Variants in LTF observed in about 807,000 individuals in gnomAD.
The protein encoded by LTF is lactotransferrin.
LTF carries 91 observed loss-of-function variants against 87.2 expected under a neutral mutation model. That is an observed-to-expected ratio of 1.04 (90% confidence interval 0.88 to 1.24). The LOEUF (loss-of-function observed/expected upper bound fraction) is 1.24, where lower values mean the gene tolerates loss of function less well. Ranked by LOEUF, LTF falls within the 50% of genes most tolerant of loss-of-function variation. The probability of loss-of-function intolerance (pLI) is 0.00; values close to 1 mark genes in which losing one functional copy is unlikely to be tolerated. For missense variants in LTF, 901 were observed against 904.3 expected (o/e 1.00, Z 0.05); for synonymous variants, 378 against 356.1 (o/e 1.06, Z -0.69).
Position 46,441,417 on chromosome 3 carries a change from A to G in LTF, c.1722T>C (p.Asp574=), listed in dbSNP as rs888303037. ...VKDVTVLQNT[D]GNNNEAWAKD... ...AGAAAAGGAAACACCTTCACCTACC[A>G]TCAGTGTTCTGCAAGACAGTGACAT... The change falls in exon 14 of 17, where the codon GAT becomes GAC. Residue 574 remains aspartate, a splice_region_variant and synonymous_variant. Coordinates refer to ENST00000231751, the MANE Select transcript of LTF (RefSeq NM_002343.6). The G allele has an allele frequency of 3.7e-6, 6 of 1,611,990 alleles. No individual in the cohort carries two copies. Among genetic ancestry groups the G allele is most frequent in the African/African-American group, 1.3e-5 (1 of 74,874 alleles).
chr3:46,468,719 C>T (rs1520483), upstream of LTF, among the ~76,000 whole-genome samples: 47,301 of 152,166 alleles, frequency 0.31, 8,971 homozygotes, highest in East Asian at 0.51. Context: ...GAGACATCAA[C>T]TCACGCTTGG....
At chr3:46,460,691 T>G in intron 1 of LTF, 1 of 427,590 alleles carries the variant, frequency 2.3e-6, no homozygotes, top group South Asian at 1.7e-5. Flanking sequence ...AACTCTTCTA[T>G]TCAACAGTAC....
intron 12 of LTF, among the ~76,000 whole-genome samples, chr3:46,444,567 G>A (rs1264940584): frequency 6.6e-6 from 1 of 152,212 alleles, no homozygotes; most frequent in Non-Finnish European, 1.5e-5. Context: ...ATTCCATCCT[G>A]GCAGTTTCCC....
chr3:46,464,092 C>T (rs1324153214), intron 1 of LTF, among the ~76,000 whole-genome samples: 1 of 152,220 alleles, frequency 6.6e-6, no homozygotes, highest in East Asian at 1.9e-4. Context: ...GGACCTTCCC[C>T]TCCCGGTGCT....
chr3:46,477,512 T>C (rs1703375601), intron 1 of LTF, among the ~76,000 whole-genome samples: 1 of 152,230 alleles, frequency 6.6e-6, no homozygotes, highest in Non-Finnish European at 1.5e-5. Context: ...CAGCTCTACC[T>C]CTTCCCCACT....
intron 13 of LTF, 61 bp downstream of exon 13, chr3:46,443,380 T>A: frequency 8.2e-6 from 13 of 1,593,398 alleles, no homozygotes; most frequent in Non-Finnish European, 1.1e-5. Context: ...AGAACTGCAA[T>A]GCTGACATGC....
chr3:46,465,945 C>T (rs1703204691), upstream of LTF, among the ~76,000 whole-genome samples: 1 of 152,100 alleles, frequency 6.6e-6, no homozygotes, highest in Non-Finnish European at 1.5e-5. Context: ...GAACTTAGCC[C>T]AAGAGTAACT....
rs61328305 is a variant in LTF at position 46,482,764 on chromosome 3, A to G, written c.-320+2222T>C. 4.2e-4 allele frequency among the ~76,000 whole-genome samples: 52 copies of G among 125,258 alleles called. 1 individual carries two copies. The highest frequency in any genetic ancestry group is 6.0e-4 in the Non-Finnish European group (33 of 54,726). The allele number at this position is 125,258 out of a possible 152,430, so 82.2% of individuals were successfully genotyped here. A position where few individuals can be genotyped will look rare whatever the true frequency, so the allele number is the denominator to read the frequency against. The stretch of plus-strand genomic sequence containing the variant: ...GAAGGAAGGAAAGAAGGAAAGAGAA[A>G]GAAAGAAAGAAAGAAAAAGAAAGAA... On this transcript the variant is annotated intron_variant, in intron 1 of 19. Transcript: ENST00000443496.
At chr3:46,462,825 C>T (rs1042004494) in intron 1 of LTF, among the ~76,000 whole-genome samples, 7 of 151,720 alleles carry the variant, frequency 4.6e-5, no homozygotes, top group African/African-American at 1.7e-4. Flanking sequence ...TATCAGAAAT[C>T]AGCTTGGTAA....
intron 6 of LTF, among the ~76,000 whole-genome samples, 175 bp from the exon 7 acceptor site, chr3:46,450,848 C>G (rs1303486722): frequency 6.6e-6 from 1 of 152,150 alleles, no homozygotes; most frequent in Non-Finnish European, 1.5e-5. Context: ...AGGTAGTGCC[C>G]CAAAAGCCTC....
intron 15 of LTF, 64 bp downstream of exon 15, chr3:46,439,232 T>G: frequency 1.3e-6 from 2 of 1,489,538 alleles, no homozygotes; most frequent in Non-Finnish European, 1.8e-6. Flanking sequence ...CCTAGCTCTG[T>G]GATCTCCTCA....
intron 6 of LTF, among the ~76,000 whole-genome samples, chr3:46,452,374 TGGG>T (rs1702823538): frequency 6.6e-6 from 1 of 152,168 alleles, no homozygotes; most frequent in Non-Finnish European, 1.5e-5. Flanking sequence ...TGTGATCAAA[TGGG>T]GGAGATTTAG....
At chr3:46,454,727 A>AG (rs1426541283) in intron 5 of LTF, among the ~76,000 whole-genome samples, 1 of 152,150 alleles carries the variant, frequency 6.6e-6, no homozygotes, top group African/African-American at 2.4e-5. Flanking sequence ...GGAAGTGTGG[A>AG]GGCCTCCCTC....
chr3:46,460,924 C>T (rs867918148), intron 1 of LTF, among the ~76,000 whole-genome samples: 6 of 152,162 alleles, frequency 3.9e-5, no homozygotes, highest in African/African-American at 1.4e-4. Context: ...CAGCACAGAA[C>T]AATCTAAAAA....
intron 1 of LTF, among the ~76,000 whole-genome samples, chr3:46,473,234 A>G (rs1328910925): frequency 6.6e-6 from 1 of 152,140 alleles, no homozygotes; most frequent in African/African-American, 2.4e-5. Flanking sequence ...CTCTTCTCCC[A>G]TAATCTGCTC....
Position 46,455,929 on chromosome 3 carries a change from G to T in LTF, c.366C>A (p.Ser122Arg), listed in dbSNP as rs748411955. Residue 122 changes from serine to arginine, a missense_variant, in exon 4 of 17, where the codon AGC becomes AGA. Physicochemically the swap from Ser to Arg is moderately radical, Grantham distance 110. Transcript: ENST00000231751. ...YAVAVVKKGG[S>R]FQLNELQGLK... is the part of the protein sequence containing the mutation. The stretch of plus-strand genomic sequence containing the variant: ...GACCTTGCAGTTCGTTCAGCTGAAA[G>T]CTGCCGCCCTTCTTCACCACAGCCA... 1 of 1,611,952 alleles carries T rather than the reference G, an allele frequency of 6.2e-7. No homozygotes were observed. Among genetic ancestry groups the T allele is most frequent in the Non-Finnish European group, 8.5e-7 (1 of 1,179,106 alleles).
intron 16 of LTF, among the ~76,000 whole-genome samples, chr3:46,437,320 A>ATC (rs36078641): frequency 1.4e-4 from 19 of 131,496 alleles, no homozygotes; most frequent in African/African-American, 5.6e-4. Context: ...CTAGAATCAG[A>ATC]TTTTTTTTTT....
intron 1 of LTF, among the ~76,000 whole-genome samples, chr3:46,478,492 T>A (rs1432954977): frequency 6.6e-6 from 1 of 152,072 alleles, no homozygotes; most frequent in African/African-American, 2.4e-5. Context: ...CCCTAGAGAG[T>A]GCCAGGGACC....
At chr3:46,439,589 G>T (rs1702467081) in intron 14 of LTF, 109 bp from the exon 15 acceptor site, 2 of 901,742 alleles carry the variant, frequency 2.2e-6, no homozygotes, top group Non-Finnish European at 3.3e-6. Flanking sequence ...ACACACTGGG[G>T]TTGTGGTGAT....
Sources: gnomAD v4.1 joint callset for allele counts (sites outside exome capture counted in the v4.1 genomes callset) on GRCh38, gnomAD v4.1.1 for gene constraint, MANE v1.5 for transcripts, NCBI Gene and HGNC (gene_info 2026-07-23, HGNC 2026-07-21) for gene names.